PCDHA1: variants seen among roughly 807,000 people sequenced by gnomAD.
The protein encoded by PCDHA1 is protocadherin alpha-1.
PCDHA1 carries 42 observed loss-of-function variants against 61.3 expected under a neutral mutation model. That is an observed-to-expected ratio of 0.69 (90% CI 0.54 to 0.89). The LOEUF (loss-of-function observed/expected upper bound fraction) is 0.89, where lower values mean the gene tolerates loss of function less well. Ranked by LOEUF, PCDHA1 falls within the 40% of genes least tolerant of loss-of-function variation. The probability of loss-of-function intolerance (pLI) is 0.00; values close to 1 mark genes in which losing one functional copy is unlikely to be tolerated. For missense variants in PCDHA1, 1,256 were observed against 1,235.3 expected, an observed-to-expected ratio of 1.02 and a Z score of -0.25; for synonymous variants, 610 against 553.8, an observed-to-expected ratio of 1.10 and a Z score of -1.43.
At chr5:140,926,749 G>C (rs541261946) in intron 1 of PCDHA1, 4 of 1,237,260 alleles carry the variant, frequency 3.2e-6, no homozygotes, top group Non-Finnish European at 3.1e-6. Context: ...CAACGTCGGC[G>C]GTCGCTGAGT....
At position 141,010,198 on chromosome 5, in the gene PCDHA1, C is replaced by T; in HGVS notation, c.*261C>T. ...AAAGCAGACCCAAGTTTCCTTTCTC[C>T]TCCGCCGCAAAGGAGAGGCTTCCCA... On this transcript the variant is annotated 3_prime_UTR_variant, in exon 4 of 4. Transcript: ENST00000504120. The T allele has an allele frequency of 6.4e-7, 1 of 1,552,138 alleles. No homozygotes were observed. The highest frequency in any genetic ancestry group is 1.4e-5 in the African/African-American group (1 of 73,154).
rs782094851 is a variant in PCDHA1, at chr5:140,857,519, T to C, written c.2394+68835T>C. 175 of 1,597,972 alleles carry C rather than the reference T, an allele frequency of 1.1e-4. 14 individuals are homozygous for C. The highest frequency in any genetic ancestry group is 1.4e-4 in the Non-Finnish European group (163 of 1,167,816). On this transcript the variant is annotated intron_variant, in intron 1 of 3. Coordinates refer to ENST00000504120, the MANE Select transcript of PCDHA1 (RefSeq NM_018900.4). ...CGCGCAGGAGAACGCCCTGGTGTCCTACTCTCTGGTGGAGCGGCGGTTGGG... is the reference window on the plus strand; with the variant it reads ...CGCGCAGGAGAACGCCCTGGTGTCCCACTCTCTGGTGGAGCGGCGGTTGGG...
intron 1 of PCDHA1, chr5:140,822,257 T>C (rs2150114908): frequency 4.3e-6 from 7 of 1,614,128 alleles, no homozygotes; most frequent in Non-Finnish European, 1.7e-6. Context: ...GATTTGGATA[T>C]TGGAGCAAAT....
intron 1 of PCDHA1, chr5:140,865,831 C>T (rs1554159632): frequency 6.6e-6 from 1 of 152,124 alleles, no homozygotes. Context: ...GTAGAGCTTT[C>T]TTTAGTAAGT....
At chr5:140,937,500 C>T (rs2091549219) in intron 1 of PCDHA1, among the ~76,000 whole-genome samples, 1 of 152,024 alleles carries the variant, frequency 6.6e-6, no homozygotes, top group Admixed American at 6.6e-5. Context: ...ACCCGTAATC[C>T]CAGCTACTCA....
intron 1 of PCDHA1, chr5:140,857,699 C>G: frequency 6.3e-7 from 1 of 1,597,158 alleles, no homozygotes; most frequent in South Asian, 1.1e-5. Context: ...CTTGACGCTG[C>G]AGGTGTTCGT....
At chr5:140,808,015 C>A in intron 1 of PCDHA1, 1 of 1,613,530 alleles carries the variant, frequency 6.2e-7, no homozygotes, top group Middle Eastern at 1.7e-4. Flanking sequence ...TGAATGGGGA[C>A]ATTGTTTATT....
chr5:140,935,286 C>T (rs1283279527), intron 1 of PCDHA1, among the ~76,000 whole-genome samples: 1 of 152,150 alleles, frequency 6.6e-6, no homozygotes, highest in Non-Finnish European at 1.5e-5. Context: ...TAAAGTTCAG[C>T]ACTCCGAGGT....
Position 140,998,756 on chromosome 5 carries a change from G to A in PCDHA1, c.2543-10871G>A, listed in dbSNP as rs78235138. Among the ~76,000 whole-genome samples, 197 of 152,232 alleles carry A rather than the reference G, an allele frequency of 1.3e-3. 4 individuals carry two copies. In the East Asian group the frequency reaches 0.035, roughly 27 times the overall value. On this transcript the variant is annotated intron_variant, in intron 3 of 3. Coordinates refer to ENST00000504120, the MANE Select transcript of PCDHA1 (RefSeq NM_018900.4). Reference sequence around the variant, plus strand: ...ATTTTGTATTTTTAGAAGAGACACAGTTTCACTATGTTGGTCAGGCTGGTC... The same window carrying A: ...ATTTTGTATTTTTAGAAGAGACACAATTTCACTATGTTGGTCAGGCTGGTC...
intron 1 of PCDHA1, chr5:140,836,153 G>T: frequency 6.2e-7 from 1 of 1,613,816 alleles, no homozygotes; most frequent in Non-Finnish European, 8.5e-7. Context: ...CGGGCCATGT[G>T]GTGGCGAAGG....
At chr5:140,869,591 A>AGAAT in intron 1 of PCDHA1, 1 of 1,614,138 alleles carries the variant, frequency 6.2e-7, no homozygotes. Flanking sequence ...GCTGACATTG[A>AGAAT]AGAGAATGCT....
At chr5:140,917,324 C>CGGGGGGGG (rs1299895515) in intron 1 of PCDHA1, among the ~76,000 whole-genome samples, 1 of 76,104 alleles carries the variant, frequency 1.3e-5, no homozygotes, top group Non-Finnish European at 2.9e-5. Context: ...GTTCATGTGG[C>CGGGGGGGG]GGGGGAGGGG....
At chr5:140,928,594 G>A in intron 1 of PCDHA1, 1 of 1,614,204 alleles carries the variant, frequency 6.2e-7, no homozygotes, top group Non-Finnish European at 8.5e-7. Context: ...TGTCCCAGTG[G>A]AAATTGTGCC....
At position 140,835,306 on chromosome 5, in the gene PCDHA1, T is replaced by G; in HGVS notation, c.2394+46622T>G. 1.9e-6 allele frequency: 3 copies of G among 1,612,964 alleles called. No individual in the cohort carries two copies. In the Middle Eastern group the frequency reaches 5.0e-4, roughly 267 times the overall value. ...GGGGCAATCACAGTGATAGGACATA[T>G]GGATTTTGAAGAAAGTAGAGCACAC... On this transcript the variant is annotated intron_variant, in intron 1 of 3. Transcript: ENST00000504120.
At chr5:140,816,734 C>T (rs1765976925) in intron 1 of PCDHA1, 1 of 152,004 alleles carries the variant, frequency 6.6e-6, no homozygotes, top group Non-Finnish European at 1.5e-5. Context: ...CAAACCTTTT[C>T]TGTGGATGCA....
rs1351509805 is a variant in PCDHA1, at chr5:140,928,584, TG to T, written c.2395-50364del. The T allele has an allele frequency of 8.7e-6, 14 of 1,614,150 alleles. No homozygotes were observed. In the African/African-American group the frequency reaches 1.9e-4, roughly 22 times the overall value. On this transcript the variant is annotated intron_variant, in intron 1 of 3. Coordinates refer to ENST00000504120, the MANE Select transcript of PCDHA1 (RefSeq NM_018900.4). ...TGTTTCCCTTGCCCAGAAATGGTTCTGTCCCAGTGGAAATTGTGCCCCGCTC... is the reference window on the plus strand; with the variant it reads ...TGTTTCCCTTGCCCAGAAATGGTTCTTCCCAGTGGAAATTGTGCCCCGCTC...
chr5:140,978,894 C>G, intron 1 of PCDHA1, 55 bp from the exon 2 acceptor site: 1 of 1,612,598 alleles, frequency 6.2e-7, no homozygotes, highest in South Asian at 1.1e-5. Flanking sequence ...AGCAGCATTC[C>G]TGGGAGAACA....
At chr5:140,856,761 C>G (rs377564040) in intron 1 of PCDHA1, 2 of 1,596,598 alleles carry the variant, frequency 1.3e-6, no homozygotes, top group South Asian at 2.2e-5. Context: ...AATGATAACG[C>G]CCCTATCTTT....
intron 1 of PCDHA1, chr5:140,835,562 T>C (rs1470356959): frequency 6.8e-6 from 11 of 1,613,922 alleles, no homozygotes; most frequent in Non-Finnish European, 8.5e-6. Flanking sequence ...CGCCCCGCGT[T>C]CCCTTCAAGT....
Sources: gnomAD v4.1 joint callset for allele counts (sites outside exome capture counted in the v4.1 genomes callset) on GRCh38, gnomAD v4.1.1 for gene constraint, MANE v1.5 for transcripts, NCBI Gene and HGNC (gene_info 2026-07-23, HGNC 2026-07-21) for gene names.